The following CTNND2 variants were observed in gnomAD, a reference collection of about 807,000 sequenced individuals.
CTNND2 encodes the protein catenin delta-2.
A neutral mutation model predicts 144.4 loss-of-function variants in CTNND2; 22 were observed. The observed-to-expected ratio is 0.15, with a 90% CI of 0.11 to 0.22. The LOEUF is 0.22. Among genes scored for constraint, CTNND2 ranks in the 10% least tolerant of loss-of-function variants. The pLI is 1.00. For missense variants in CTNND2, 1,353 were observed against 1,618.8 expected, an observed-to-expected ratio of 0.84 and a Z score of 2.82; for synonymous variants, 751 against 695.6, an observed-to-expected ratio of 1.08 and a Z score of -1.25.
At chr5:11,802,064 G>A (rs1791713498) in intron 1 of CTNND2, among the ~76,000 whole-genome samples, 1 of 152,060 alleles carries the variant, frequency 6.6e-6, no homozygotes, top group Admixed American at 6.6e-5. Context: ...CTTGAAGTCA[G>A]GAGTTTGAGA....
intron 5 of CTNND2, among the ~76,000 whole-genome samples, chr5:11,409,832 G>A (rs1034370113): frequency 2.0e-5 from 3 of 151,830 alleles, no homozygotes; most frequent in Non-Finnish European, 4.4e-5. Context: ...TTTGTTTACT[G>A]CAAATTTGAA....
intron 18 of CTNND2, among the ~76,000 whole-genome samples, chr5:11,007,721 G>A (rs1019865343): frequency 6.6e-6 from 1 of 152,232 alleles, no homozygotes; most frequent in African/African-American, 2.4e-5. Context: ...TATTTCCAAC[G>A]AAATGACAGC....
At chr5:11,083,222 G>A (rs1190810454) in intron 15 of CTNND2, among the ~76,000 whole-genome samples, 1 of 152,214 alleles carries the variant, frequency 6.6e-6, no homozygotes, top group African/African-American at 2.4e-5. Context: ...CCCTGAAAAA[G>A]TAGAAAATGA....
chr5:11,130,868 T>G (rs1481892244), intron 12 of CTNND2, among the ~76,000 whole-genome samples: 1 of 152,164 alleles, frequency 6.6e-6, no homozygotes, highest in Non-Finnish European at 1.5e-5. Flanking sequence ...CATGGTAGGC[T>G]CAGAAAATCA....
intron 21 of CTNND2, among the ~76,000 whole-genome samples, chr5:10,979,527 T>G (rs1182329247): frequency 6.6e-6 from 1 of 152,190 alleles, no homozygotes; most frequent in Non-Finnish European, 1.5e-5. Context: ...ATGCCCACCA[T>G]GGGAAGGAGA....
At chr5:11,837,627 T>G (rs1436823517) in intron 1 of CTNND2, among the ~76,000 whole-genome samples, 1 of 152,186 alleles carries the variant, frequency 6.6e-6, no homozygotes, top group African/African-American at 2.4e-5. Flanking sequence ...ACAGTATGAG[T>G]ATCTTTAGGA....
chr5:11,308,310 C>CA (rs1580859245), intron 9 of CTNND2, among the ~76,000 whole-genome samples: 2 of 151,972 alleles, frequency 1.3e-5, no homozygotes, highest in East Asian at 3.9e-4. Flanking sequence ...ACAAGGCCAG[C>CA]AAACTTTCTC....
intron 2 of CTNND2, among the ~76,000 whole-genome samples, chr5:11,603,791 A>G (rs1347681596): frequency 5.3e-5 from 8 of 152,188 alleles, no homozygotes; most frequent in Admixed American, 5.2e-4. Flanking sequence ...ATTTTGTTCC[A>G]GGAACTCTTC....
intron 10 of CTNND2, among the ~76,000 whole-genome samples, chr5:11,204,277 G>A (rs1426549516): frequency 6.6e-6 from 1 of 152,064 alleles, no homozygotes; most frequent in Non-Finnish European, 1.5e-5. Context: ...ATAATCTCTG[G>A]GGAATGAACA....
intron 3 of CTNND2, among the ~76,000 whole-genome samples, chr5:11,557,456 T>C (rs1394463084): frequency 6.6e-6 from 1 of 152,130 alleles, no homozygotes; most frequent in African/African-American, 2.4e-5. Context: ...AGGTTGTGAG[T>C]TCAGGATCCT....
chr5:11,888,473 G>A (rs563290005), intron 1 of CTNND2, among the ~76,000 whole-genome samples: 10 of 152,152 alleles, frequency 6.6e-5, no homozygotes, highest in African/African-American at 2.2e-4. Context: ...CCTAAGAGTT[G>A]GCACATCTCC....
At chr5:11,273,513 T>C (rs1329627242) in intron 9 of CTNND2, among the ~76,000 whole-genome samples, 1 of 152,216 alleles carries the variant, frequency 6.6e-6, no homozygotes, top group Non-Finnish European at 1.5e-5. Flanking sequence ...TTTGCATTTA[T>C]TTTATTAAGT....
At chr5:11,419,277 A>G (rs1400306806) in intron 3 of CTNND2, among the ~76,000 whole-genome samples, 3 of 152,130 alleles carry the variant, frequency 2.0e-5, no homozygotes, top group Non-Finnish European at 4.4e-5. Flanking sequence ...TTTTAAAAAT[A>G]TCTTTGATAC....
At chr5:11,090,597 T>C (rs1275924044) in intron 15 of CTNND2, among the ~76,000 whole-genome samples, 6 of 152,178 alleles carry the variant, frequency 3.9e-5, no homozygotes, top group African/African-American at 1.4e-4. Context: ...CATGAGACTT[T>C]AATTCCTGAT....
At chr5:11,450,307 T>A (rs1035609438) in intron 3 of CTNND2, among the ~76,000 whole-genome samples, 2 of 152,186 alleles carry the variant, frequency 1.3e-5, no homozygotes, top group Admixed American at 6.5e-5. Context: ...TATGTCACCA[T>A]AAAAATTCCC....
intron 12 of CTNND2, among the ~76,000 whole-genome samples, chr5:11,121,657 C>T (rs931216983): frequency 7.2e-5 from 11 of 152,126 alleles, no homozygotes; most frequent in Non-Finnish European, 4.4e-5. Context: ...TTCCTTTCCC[C>T]TGTCTTCTGT....
intron 15 of CTNND2, among the ~76,000 whole-genome samples, chr5:11,093,407 G>C (rs1246291017): frequency 6.6e-6 from 1 of 152,196 alleles, no homozygotes. Context: ...GGTAACTGAA[G>C]TCCATGTTGG....
At chr5:11,334,130 G>A (rs933665299) in intron 9 of CTNND2, among the ~76,000 whole-genome samples, 16 of 152,088 alleles carry the variant, frequency 1.1e-4, no homozygotes, top group African/African-American at 3.6e-4. Context: ...CATTCAAAAT[G>A]GTAAACATAG....
Position 11,443,273 on chromosome 5 carries a change from GTA to G in CTNND2, c.288-31206_288-31205del, listed in dbSNP as rs1391120101. ...GTGTGCTGTGTGTGGTGTGTGTGTG[GTA>G]TGTGTGCATGTGTGTGGTGTGTGTG... On this transcript the variant is annotated intron_variant, in intron 3 of 21. Transcript: ENST00000304623. Among the ~76,000 whole-genome samples, 596 of 112,026 alleles carry G rather than the reference GTA, an allele frequency of 5.3e-3. 6 individuals carry two copies. The highest frequency in any genetic ancestry group is 0.019 in the African/African-American group (541 of 28,022). 73.5% of individuals were successfully genotyped at this position (112,026 alleles called of 152,430 possible).
Sources: gnomAD v4.1 joint callset for allele counts (sites outside exome capture counted in the v4.1 genomes callset) on GRCh38, gnomAD v4.1.1 for gene constraint, MANE v1.5 for transcripts, NCBI Gene and HGNC (gene_info 2026-07-23, HGNC 2026-07-21) for gene names.